IL1RAPL2: variants seen among roughly 807,000 people sequenced by gnomAD.
IL1RAPL2 encodes interleukin 1 receptor accessory protein like 2.
In IL1RAPL2, 3 loss-of-function variants were observed where a neutral mutation model predicts 44.1. The ratio of observed to expected loss-of-function variants is 0.07; its 90% CI spans 0.03 to 0.18. IL1RAPL2 has a LOEUF of 0.18. Among genes scored for constraint, IL1RAPL2 ranks in the 10% least tolerant of loss-of-function variants. IL1RAPL2 has a pLI of 1.00. For synonymous variants in IL1RAPL2, 181 were observed against 178.8 expected (o/e 1.01, Z -0.10); for missense variants, 391 against 496.4 (o/e 0.79, Z 2.02).
Position 105,752,919 on chromosome X carries a change from A to G in IL1RAPL2, c.1193-2258A>G, listed in dbSNP as rs891122187. On this transcript the variant is annotated intron_variant, in intron 9 of 10. Transcript: ENST00000372582. ...GCTCTTCACCTTTAGTTCATCTTAA[A>G]GGGACACGAATGAAACCAGAAGCAT... is the stretch of plus-strand genomic sequence containing the variant. 5 of 328,554 alleles carry G rather than the reference A, an allele frequency of 1.5e-5. No individual in the cohort carries two copies. The East Asian group carries it at 4.9e-4, about 32-fold the overall frequency. 27.1% of individuals were successfully genotyped at this position (328,554 alleles called of 1,213,427 possible).
At chrX:105,268,303 A>G (rs1345885363) in intron 5 of IL1RAPL2, among the ~76,000 whole-genome samples, 1 of 111,589 alleles carries the variant, frequency 9.0e-6, no homozygotes, top group Non-Finnish European at 1.9e-5. Flanking sequence ...TTAATCTCAT[A>G]TATGGAACCT....
intron 2 of IL1RAPL2, among the ~76,000 whole-genome samples, chrX:104,659,892 G>A (rs1300217891): frequency 9.0e-6 from 1 of 111,702 alleles, no homozygotes; most frequent in Non-Finnish European, 1.9e-5. Context: ...GGGGGGAGGT[G>A]CTTGGAGTTT....
intron 2 of IL1RAPL2, among the ~76,000 whole-genome samples, chrX:104,896,034 G>A (rs986166879): frequency 9.0e-6 from 1 of 111,660 alleles, no homozygotes; most frequent in Non-Finnish European, 1.9e-5. Context: ...GGGGAGGAGT[G>A]TTGTTTTTAT....
At chrX:104,673,726 A>G (rs893163378) in intron 2 of IL1RAPL2, among the ~76,000 whole-genome samples, 1 of 109,315 alleles carries the variant, frequency 9.1e-6, no homozygotes, top group Non-Finnish European at 1.9e-5. Context: ...CTTCCTACCC[A>G]TGAGCATGGA....
intron 5 of IL1RAPL2, among the ~76,000 whole-genome samples, chrX:105,293,719 A>G (rs1376005309): frequency 9.0e-6 from 1 of 111,635 alleles, no homozygotes; most frequent in Non-Finnish European, 1.9e-5. Context: ...ACCTTGGTAC[A>G]GATAATCTTT....
intron 2 of IL1RAPL2, among the ~76,000 whole-genome samples, chrX:104,889,116 G>A (rs752585221): frequency 4.5e-5 from 5 of 110,451 alleles, no homozygotes; most frequent in Non-Finnish European, 7.6e-5. Context: ...TGGCTTGTCC[G>A]CTTCTCAGGG....
At chrX:104,894,825 G>T (rs1303790068) in intron 2 of IL1RAPL2, among the ~76,000 whole-genome samples, 1 of 112,262 alleles carries the variant, frequency 8.9e-6, no homozygotes, top group Non-Finnish European at 1.9e-5. Context: ...TCCATTGCTG[G>T]CAAGGAACTG....
At chrX:104,582,578 T>TTTTC (rs202138780) in intron 1 of IL1RAPL2, among the ~76,000 whole-genome samples, 8,104 of 59,599 alleles carry the variant, frequency 0.14, 529 homozygotes, top group Middle Eastern at 0.37. Flanking sequence ...CTTTCTTTCT[T>TTTTC]TTTCTTTCTT....
intron 2 of IL1RAPL2, among the ~76,000 whole-genome samples, chrX:104,955,495 T>TA (rs1925689291): frequency 5.6e-5 from 6 of 106,524 alleles, no homozygotes; most frequent in African/African-American, 2.1e-4. Context: ...TATATATATA[T>TA]TATACTCCCA....
intron 2 of IL1RAPL2, among the ~76,000 whole-genome samples, chrX:104,948,348 T>A (rs972817514): frequency 2.8e-5 from 3 of 108,447 alleles, no homozygotes; most frequent in African/African-American, 1.0e-4. Context: ...AGATATACAA[T>A]CATGACATCT....
intron 2 of IL1RAPL2, among the ~76,000 whole-genome samples, chrX:105,108,060 A>G (rs1350819887): frequency 1.8e-5 from 2 of 110,741 alleles, no homozygotes; most frequent in Non-Finnish European, 3.8e-5. Context: ...GACCCTCTTT[A>G]TTCTTACCAC....
intron 10 of IL1RAPL2, among the ~76,000 whole-genome samples, chrX:105,757,777 G>T (rs764235308): frequency 2.7e-5 from 3 of 111,519 alleles, no homozygotes; most frequent in Non-Finnish European, 5.6e-5. Context: ...TCCGATTTGC[G>T]AGTGTAACCT....
chrX:105,451,031 T>C (rs1341185709), intron 5 of IL1RAPL2, among the ~76,000 whole-genome samples: 2 of 109,715 alleles, frequency 1.8e-5, no homozygotes, highest in African/African-American at 6.7e-5. Context: ...GCATTGCTAA[T>C]TTATATCTCC....
intron 2 of IL1RAPL2, among the ~76,000 whole-genome samples, chrX:104,706,869 G>T (rs147383045): frequency 9.0e-6 from 1 of 111,499 alleles, no homozygotes; most frequent in South Asian, 3.7e-4. Context: ...ACCTGCCTTT[G>T]CTTGTATGCA....
At chrX:105,022,392 T>C (rs2031297076) in intron 2 of IL1RAPL2, among the ~76,000 whole-genome samples, 1 of 111,464 alleles carries the variant, frequency 9.0e-6, no homozygotes, top group East Asian at 2.8e-4. Context: ...ATTTTATTTT[T>C]AAGTGCCTCT....
At chrX:105,624,907 G>A (rs1449945255) in intron 6 of IL1RAPL2, among the ~76,000 whole-genome samples, 1 of 111,922 alleles carries the variant, frequency 8.9e-6, no homozygotes, top group African/African-American at 3.2e-5. Flanking sequence ...TTAATATGTG[G>A]GAAAGAACCT....
At chrX:104,674,909 A>G (rs1240150300) in intron 2 of IL1RAPL2, among the ~76,000 whole-genome samples, 6 of 111,543 alleles carry the variant, frequency 5.4e-5, no homozygotes, top group Admixed American at 9.5e-5. Context: ...GTATTCTCTG[A>G]TGGTAGTTTG....
Position 105,344,019 on chromosome X carries a change from T to C in IL1RAPL2, c.697+76478T>C, listed in dbSNP as rs1346138951. 2.7e-5 allele frequency among the ~76,000 whole-genome samples: 3 copies of C among 110,704 alleles called. No individual in the cohort carries two copies. The East Asian group carries it at 8.6e-4, about 32-fold the overall frequency. On this transcript the variant is annotated intron_variant, in intron 5 of 10. Transcript: ENST00000372582. ...AAGTGATTCCCCTGCCTCAGCCCCCTGAATAGCTGGGATTACAAGTGCATG... is the reference window on the plus strand; with the variant it reads ...AAGTGATTCCCCTGCCTCAGCCCCCCGAATAGCTGGGATTACAAGTGCATG...
intron 4 of IL1RAPL2, among the ~76,000 whole-genome samples, chrX:105,261,241 C>T (rs984927879): frequency 8.9e-6 from 1 of 112,055 alleles, no homozygotes; most frequent in Non-Finnish European, 1.9e-5. Context: ...TCTCCTGGCT[C>T]CATGTTGCTT....
Sources: gnomAD v4.1 joint callset for allele counts (sites outside exome capture counted in the v4.1 genomes callset) on GRCh38, gnomAD v4.1.1 for gene constraint, MANE v1.5 for transcripts, NCBI Gene and HGNC (gene_info 2026-07-23, HGNC 2026-07-21) for gene names.